Variants in MED12 observed in about 807,000 individuals in gnomAD.
The protein encoded by MED12 is mediator of RNA polymerase II transcription subunit 12.
A neutral mutation model predicts 177.7 loss-of-function variants in MED12; 10 were observed. The observed-to-expected ratio is 0.06, with a 90% CI of 0.03 to 0.10. MED12 has a LOEUF of 0.10. Ranked by LOEUF, MED12 falls within the 10% of genes least tolerant of loss-of-function variation. MED12 has a pLI of 1.00. For synonymous variants in MED12, 641 were observed against 678.4 expected (o/e 0.94, Z 0.86); for missense variants, 867 against 1,780.8 (o/e 0.49, Z 9.23).
chrX:71,125,748 C>A (rs1431670435), intron 17 of MED12, 35 bp downstream of exon 17: 1 of 1,121,520 alleles, frequency 8.9e-7, no homozygotes, highest in Non-Finnish European at 1.2e-6. Context: ...GCCCTCCCTC[C>A]CTCTCCCTTC....
At position 71,141,334 on chromosome X, in the gene MED12, G is replaced by A. The variant is rs1008342661; in HGVS notation, c.6372G>A (p.Ala2124=). ...QQHQQQQQQQ[A]APPQPQPQSQ... is the part of the protein sequence containing the mutation. ...ACCAGCAGCAACAGCAGCAACAGGCGGCTCCTCCCCAACCCCAGCCCCAGT... is the reference window on the plus strand; with the variant it reads ...ACCAGCAGCAACAGCAGCAACAGGCAGCTCCTCCCCAACCCCAGCCCCAGT... The change falls in exon 43 of 45, where the codon GCG becomes GCA. Residue 2124 remains alanine, a synonymous_variant. Coordinates refer to ENST00000374080, the MANE Select transcript of MED12 (RefSeq NM_005120.3). 4 of 1,163,869 alleles carry A rather than the reference G, an allele frequency of 3.4e-6. No individual in the cohort carries two copies. The Admixed American group carries it at 7.9e-5, about 23-fold the overall frequency.
In MED12 at chrX:71,128,291, C is replaced by T; in HGVS notation, c.3210-5C>T. 1.7e-6 allele frequency: 2 copies of T among 1,211,515 alleles called. No homozygotes were observed. Among genetic ancestry groups the T allele is most frequent in the Middle Eastern group, 2.3e-4 (1 of 4,353 alleles). On this transcript the variant is annotated splice_region_variant and splice_polypyrimidine_tract_variant and intron_variant, in intron 22 of 44. Coordinates refer to ENST00000374080, the MANE Select transcript of MED12 (RefSeq NM_005120.3). ...TTTCCTGAGGGCATTTGTACTTTTC[C>T]CTAGGGTGAATGACATCGCAATCCT...
rs940591971 is a variant in MED12, at chrX:71,142,020, G to T, written c.6490+56G>T. 3 of 1,151,063 alleles carry T rather than the reference G, an allele frequency of 2.6e-6. No homozygotes were observed. The African/African-American group carries it at 5.4e-5, about 21-fold the overall frequency. The allele number at this position is 1,151,063 out of a possible 1,213,427, so 94.9% of individuals were successfully genotyped here. On this transcript the variant is annotated intron_variant, in intron 44 of 44. Coordinates refer to ENST00000374080, the MANE Select transcript of MED12 (RefSeq NM_005120.3). ...CCATGGAATAAATTTAGGGGGCGGG[G>T]TGGGCCAAAGTAGCTGAAACGATAG...
Position 71,141,953 on chromosome X carries a change from A to G in MED12, c.6479A>G (p.Gln2160Arg). 3 of 1,211,251 alleles carry G rather than the reference A, an allele frequency of 2.5e-6. No homozygotes were observed. The highest frequency in any genetic ancestry group is 2.2e-6 in the Non-Finnish European group (2 of 895,142). ...GCAGCTTTGGTCCGGCAACTTCAAC[A>G]ACAGCTCTCTAGTAAGCCTGCCTGC... is the stretch of plus-strand genomic sequence containing the variant. ...QTAALVRQLQ[Q>R]QLSNTQPQPS... The change falls in exon 44 of 45, where the codon CAA becomes CGA. Residue 2160 changes from glutamine to arginine, a missense_variant. Physicochemically the swap from Gln to Arg is conservative, Grantham distance 43. Around this residue, in one of 14 missense-constraint regions of MED12, gnomAD observed 236 missense variants for 345.2 expected, o/e 0.68. Transcript: ENST00000374080.
At position 71,136,412 on chromosome X, in the gene MED12, G is replaced by A. The variant is rs757730166; in HGVS notation, c.5157G>A (p.Glu1719=). ...ACCGGCGAGTGGCTCGAGGAGAGGA[G>A]CAGCAGCGGTTGCTGCTCTACCACA... ...RVDRRVARGE[E]QQRLLLYHTH... Residue 1719 remains glutamate, a synonymous_variant, in exon 37 of 45, where the codon GAG becomes GAA. Transcript: ENST00000374080. The A allele has an allele frequency of 1.7e-6, 2 of 1,210,915 alleles. No homozygotes were observed. The highest frequency in any genetic ancestry group is 2.2e-6 in the Non-Finnish European group (2 of 895,240).
rs2147784231 is a variant in MED12, at chrX:71,122,604, G to A, written c.1345G>A (p.Ala449Thr). The A allele has an allele frequency of 8.3e-7, 1 of 1,205,800 alleles. No individual in the cohort carries two copies. Among genetic ancestry groups the A allele is most frequent in the East Asian group, 3.0e-5 (1 of 33,854 alleles). ...TTTCGATAAATGCCAGGAAGCTACT[G>A]CAGGTATGTGTCAGAGAACAGATAA... Reference protein sequence around the residue: ...WSFDKCQEATAGFTIGRVLHT... With the variant: ...WSFDKCQEATTGFTIGRVLHT... Residue 449 changes from alanine (A) to threonine (T), a missense_variant, in exon 9 of 45, where the codon GCA (alanine) becomes ACA (threonine). Transcript: ENST00000374080.
rs1556336208 is a variant in MED12, at chrX:71,127,329, C to G, written c.2850-7C>G. 12 of 1,211,457 alleles carry G rather than the reference C, an allele frequency of 9.9e-6. No individual in the cohort carries two copies. The highest frequency in any genetic ancestry group is 1.3e-5 in the Non-Finnish European group (12 of 895,326). On this transcript the variant is annotated splice_region_variant and splice_polypyrimidine_tract_variant and intron_variant, in intron 20 of 44. Coordinates refer to ENST00000374080, the MANE Select transcript of MED12 (RefSeq NM_005120.3). ...GCTGACCCTCCCAACCTTGCTTCTT[C>G]ATGCAGGCTGTGTGGCGTCGTGAAG...
chrX:71,138,367 C>G (rs747542491), intron 41 of MED12, among the ~76,000 whole-genome samples: 21 of 110,498 alleles, frequency 1.9e-4, no homozygotes, highest in African/African-American at 6.9e-4. Context: ...ACTCCATTTG[C>G]CCAGGCTGGA....
intron 28 of MED12, 79 bp from the exon 29 acceptor site, chrX:71,131,471 T>C: frequency 1.0e-6 from 1 of 957,817 alleles, no homozygotes; most frequent in Non-Finnish European, 1.5e-6. Context: ...TTGCAGGAGA[T>C]CAGGAATTGG....
At chrX:71,129,591 G>T in intron 26 of MED12, 89 bp from the exon 27 acceptor site, 9 of 1,097,917 alleles carry the variant, frequency 8.2e-6, no homozygotes, top group Non-Finnish European at 1.1e-5. Flanking sequence ...CAGGATTTGG[G>T]GTGTTTCTAC....
At chrX:71,138,092 G>A in intron 41 of MED12, 149 bp downstream of exon 41, 1 of 566,699 alleles carries the variant, frequency 1.8e-6, no homozygotes, top group Non-Finnish European at 3.0e-6. Context: ...CATAACCACA[G>A]AAGTCTCGAG....
rs754495912 is a variant in MED12, at chrX:71,124,773, C to T, written c.1984C>T (p.Leu662Phe). Residue 662 changes from leucine to phenylalanine, a missense_variant, in exon 14 of 45, where the codon CTC (leucine) becomes TTC (phenylalanine). Leu to Phe is a conservative substitution (Grantham distance 22). Transcript: ENST00000374080. ...TGTTCTATGCCCTCAGGATCCAGGG[C>T]TCTCAGAATCTATGGACATTGACCC... is the stretch of plus-strand genomic sequence containing the variant. Reference protein sequence around the residue: ...SSSSKLEDPGLSESMDIDPSS... With the variant: ...SSSSKLEDPGFSESMDIDPSS... 2 of 1,208,541 alleles carry T rather than the reference C, an allele frequency of 1.7e-6. No individual in the cohort carries two copies. The highest frequency in any genetic ancestry group is 2.2e-6 in the Non-Finnish European group (2 of 892,836).
Position 71,129,697 on chromosome X carries a change from G to A in MED12, c.3709G>A (p.Gly1237Ser), listed in dbSNP as rs2147807195. ...AACCACAGGGGATGCGGAACTGAAA[G>A]GTTCAGGCTTCACTGTGACAGGAGG... Reference protein sequence around the residue: ...VFVLGDAELKGSGFTVTGGTE... With the variant: ...VFVLGDAELKSSGFTVTGGTE... Residue 1237 changes from glycine (G) to serine (S), a missense_variant, in exon 27 of 45, where the codon GGT becomes AGT. Gly to Ser is a moderately conservative substitution (Grantham distance 56, BLOSUM62 0). Around this residue, in one of 14 missense-constraint regions of MED12, gnomAD observed 29 missense variants for 31.3 expected, o/e 0.93. Transcript: ENST00000374080. The A allele has an allele frequency of 1.7e-6, 2 of 1,192,946 alleles. No individual in the cohort carries two copies. Among genetic ancestry groups the A allele is most frequent in the South Asian group, 1.8e-5 (1 of 54,568 alleles).
intron 34 of MED12, 71 bp downstream of exon 34, chrX:71,134,537 C>T (rs2092327388): frequency 1.1e-6 from 1 of 913,703 alleles, no homozygotes; most frequent in African/African-American, 2.0e-5. Context: ...GCCAGGTGCA[C>T]CCACTGAGAT....
chrX:71,140,887 G>A (rs373438638), intron 42 of MED12, 30 bp downstream of exon 42: 19 of 1,200,663 alleles, frequency 1.6e-5, no homozygotes, highest in Non-Finnish European at 2.1e-5. Flanking sequence ...TCTGGGACCT[G>A]GGAGCCCAGG....
At position 71,129,304 on chromosome X, in the gene MED12, C is replaced by T. The variant is rs2147805306; in HGVS notation, c.3578-12C>T. On this transcript the variant is annotated splice_polypyrimidine_tract_variant and intron_variant, in intron 25 of 44. Transcript: ENST00000374080. Reference sequence around the variant, plus strand: ...CTACTTTTGCTTCCCCTGACTTCATCGCCTTCCCCAGACAAGCCTACAGTA... The same window carrying T: ...CTACTTTTGCTTCCCCTGACTTCATTGCCTTCCCCAGACAAGCCTACAGTA... 2 of 1,191,230 alleles carry T rather than the reference C, an allele frequency of 1.7e-6. No homozygotes were observed. Among genetic ancestry groups the T allele is most frequent in the South Asian group, 1.8e-5 (1 of 56,558 alleles).
intron 26 of MED12, 49 bp from the exon 27 acceptor site, chrX:71,129,631 G>C (rs757808610): frequency 8.6e-7 from 1 of 1,163,428 alleles, no homozygotes; most frequent in Non-Finnish European, 1.2e-6. Context: ...GTCTCCACAC[G>C]TGTTCCAATC....
Position 71,127,366 on chromosome X carries a change from C to T in MED12, c.2880C>T (p.Asn960=). 8.3e-7 allele frequency: 1 copy of T among 1,210,978 alleles called. No homozygotes were observed. The highest frequency in any genetic ancestry group is 1.8e-5 in the South Asian group (1 of 56,922). Reference sequence around the variant, plus strand: ...GTGGCGTCGTGAAGCATGGGATGAACCGGTCCGATGGCTCCTCTGCAGAGC... The same window carrying T: ...GTGGCGTCGTGAAGCATGGGATGAATCGGTCCGATGGCTCCTCTGCAGAGC... ...GLCGVVKHGM[N]RSDGSSAERC... Residue 960 remains asparagine, a synonymous_variant, in exon 21 of 45, where the codon AAC becomes AAT. Coordinates refer to ENST00000374080, the MANE Select transcript of MED12 (RefSeq NM_005120.3).
At chrX:71,125,964 AC>A in intron 17 of MED12, 71 bp from the exon 18 acceptor site, 1 of 645,511 alleles carries the variant, frequency 1.5e-6, no homozygotes, top group East Asian at 3.3e-5. Context: ...TTCTCTCCAT[AC>A]CCCACTCCCC....
Sources: gnomAD v4.1 joint callset for allele counts (sites outside exome capture counted in the v4.1 genomes callset) on GRCh38, gnomAD v4.1.1 for gene constraint, gnomAD v4.1.1 regional missense constraint, MANE v1.5 for transcripts, NCBI Gene and HGNC (gene_info 2026-07-23, HGNC 2026-07-21) for gene names.